Variants in NFYA observed in about 807,000 individuals in gnomAD.
NFYA encodes CAAT-box DNA binding protein subunit A.
NFYA carries 28 observed loss-of-function variants against 52.8 expected under a neutral mutation model. The ratio of observed to expected loss-of-function variants is 0.53; its 90% confidence interval spans 0.39 to 0.73. NFYA has a LOEUF of 0.73. Among genes scored for constraint, NFYA ranks in the 30% least tolerant of loss-of-function variants. The pLI is 0.00. For synonymous variants in NFYA, 150 were observed against 150.7 expected, an observed-to-expected ratio of 1.00 and a Z score of 0.03; for missense variants, 234 against 427.0, an observed-to-expected ratio of 0.55 and a Z score of 3.98.
At chr6:41,079,982 G>A (rs1482269779) in intron 2 of NFYA, among the ~76,000 whole-genome samples, 3 of 152,170 alleles carry the variant, frequency 2.0e-5, no homozygotes, top group Non-Finnish European at 2.9e-5. Context: ...GGCTCTGGCA[G>A]TTTCCTTCAA....
intron 5 of NFYA, 46 bp from the exon 6 acceptor site, chr6:41,090,158 G>GT (rs1202407150): frequency 8.0e-7 from 1 of 1,257,458 alleles, no homozygotes; most frequent in Non-Finnish European, 1.2e-6. Flanking sequence ...TTCTTTGTTA[G>GT]TATCTTTGGG....
intron 4 of NFYA, 123 bp from the exon 5 acceptor site, chr6:41,089,456 C>A: frequency 2.8e-6 from 3 of 1,084,950 alleles, no homozygotes; most frequent in African/African-American, 3.2e-5. Flanking sequence ...GAGGGCAGAG[C>A]AGGACTTCTT....
At chr6:41,094,369 G>A (rs1218316837) in intron 8 of NFYA, 27 bp from the exon 9 acceptor site, 1 of 1,598,792 alleles carries the variant, frequency 6.3e-7, no homozygotes, top group South Asian at 1.1e-5. Context: ...AGTATTAATA[G>A]TTAAATGGTT....
intron 4 of NFYA, among the ~76,000 whole-genome samples, chr6:41,087,321 T>A (rs1393135003): frequency 6.6e-6 from 1 of 152,230 alleles, no homozygotes; most frequent in Admixed American, 6.5e-5. Context: ...CATGAATGTC[T>A]CTAAGACATG....
At chr6:41,091,429 C>A in intron 6 of NFYA, 99 bp from the exon 7 acceptor site, 1 of 1,173,286 alleles carries the variant, frequency 8.5e-7, no homozygotes, top group Non-Finnish European at 1.2e-6. Flanking sequence ...TTGCCAGGAT[C>A]GGTGAGTGTA....
At chr6:41,083,089 A>C (rs1763953238) in intron 3 of NFYA, among the ~76,000 whole-genome samples, 1 of 152,232 alleles carries the variant, frequency 6.6e-6, no homozygotes, top group South Asian at 2.1e-4. Flanking sequence ...TTTCTGTCAA[A>C]GATAGAGTCT....
chr6:41,079,525 A>G (rs557476266), intron 2 of NFYA, among the ~76,000 whole-genome samples: 14 of 152,364 alleles, frequency 9.2e-5, no homozygotes, highest in Middle Eastern at 3.4e-3. Context: ...ACAAACCAAC[A>G]TAGCTTCCAA....
Position 41,080,793 on chromosome 6 carries a change from T to G in NFYA, c.76-18T>G. ...TCCTTCCTGACATATTTCAAGCTCT[T>G]CCTGTTCCTGTTCTCAGCAGCAGGG... On this transcript the variant is annotated intron_variant, in intron 2 of 9. Coordinates refer to ENST00000341376, the MANE Select transcript of NFYA (RefSeq NM_002505.5). The G allele has an allele frequency of 3.1e-6, 5 of 1,604,916 alleles. No homozygotes were observed. Among genetic ancestry groups the G allele is most frequent in the Non-Finnish European group, 4.3e-6 (5 of 1,171,900 alleles).
intron 1 of NFYA, among the ~76,000 whole-genome samples, chr6:41,076,420 C>T (rs950272020): frequency 5.9e-5 from 9 of 152,162 alleles, no homozygotes; most frequent in African/African-American, 1.9e-4. Context: ...AGCTACTGTT[C>T]TAGGCTTTGC....
At chr6:41,094,178 ACTAT>A (rs1561856631) in intron 8 of NFYA, among the ~76,000 whole-genome samples, 3 of 152,192 alleles carry the variant, frequency 2.0e-5, no homozygotes, top group Admixed American at 1.3e-4. Flanking sequence ...AAAAATTCAT[ACTAT>A]AAGCATTCAC....
chr6:41,088,368 A>C (rs1191042707), intron 4 of NFYA, among the ~76,000 whole-genome samples: 1 of 146,292 alleles, frequency 6.8e-6, no homozygotes, highest in Non-Finnish European at 1.5e-5. Context: ...GCTTGCAGTG[A>C]GCCAAGATCA....
At chr6:41,089,275 C>T (rs1277515479) in intron 4 of NFYA, among the ~76,000 whole-genome samples, 1 of 152,210 alleles carries the variant, frequency 6.6e-6, no homozygotes, top group African/African-American at 2.4e-5. Context: ...TGAGCCACCA[C>T]ACCCAGCCCA....
intron 1 of NFYA, chr6:41,075,563 T>TA (rs1239774140): frequency 6.6e-6 from 1 of 152,230 alleles, no homozygotes; most frequent in African/African-American, 2.4e-5. Flanking sequence ...TTTTTCCTGT[T>TA]TAGTCCACTG....
rs1764486412 is a variant in NFYA at position 41,101,027 on chromosome 6, G to A, written c.*3617G>A. The A allele has an allele frequency of 6.6e-6, 1 of 152,302 alleles. No homozygotes were observed. The highest frequency in any genetic ancestry group is 1.5e-5 in the Non-Finnish European group (1 of 68,078). The allele number at this position is 152,302 out of a possible 1,614,324, so 9.4% of individuals were successfully genotyped here. On this transcript the variant is annotated 3_prime_UTR_variant, in exon 10 of 10. Transcript: ENST00000341376. ...CGGTACCTAGGCGGGCAGCCATGGT[G>A]ACCGGCGAGCGGCATGCGACGCCGC...
At position 41,101,456 on chromosome 6, in the gene NFYA, C is replaced by T. The variant is rs987339491; in HGVS notation, c.*4046C>T. 6.6e-6 allele frequency among the ~76,000 whole-genome samples: 1 copy of T among 152,130 alleles called. No homozygotes were observed. The highest frequency in any genetic ancestry group is 6.5e-5 in the Admixed American group (1 of 15,282). On this transcript the variant is annotated 3_prime_UTR_variant, in exon 10 of 10. Transcript: ENST00000341376. ...AAAGGATTTTTACAGGACCACGCCC[C>T]GGGCTTTGAACCCGTTTTTCCCAAC...
At chr6:41,089,835 T>C in intron 5 of NFYA, 125 bp downstream of exon 5, 1 of 1,367,942 alleles carries the variant, frequency 7.3e-7, no homozygotes, top group Non-Finnish European at 9.8e-7. Flanking sequence ...AAAATATATT[T>C]TTGGCCGGGC....
In NFYA at chr6:41,099,904, C is replaced by T. The variant is rs771854212; in HGVS notation, c.*2494C>T. 2 of 151,896 alleles carry T rather than the reference C, an allele frequency of 1.3e-5. No individual in the cohort carries two copies. The highest frequency in any genetic ancestry group is 2.4e-5 in the African/African-American group (1 of 41,352). The allele number at this position is 151,896 out of a possible 1,614,324, so 9.4% of individuals were successfully genotyped here. Reference sequence around the variant, plus strand: ...GGTTTTTCCCCCAGCAGTATGGGGGCGTACAGGTGATCGATCATTAATGTC... The same window carrying T: ...GGTTTTTCCCCCAGCAGTATGGGGGTGTACAGGTGATCGATCATTAATGTC... On this transcript the variant is annotated 3_prime_UTR_variant, in exon 10 of 10. Coordinates refer to ENST00000341376, the MANE Select transcript of NFYA (RefSeq NM_002505.5).
Position 41,080,797 on chromosome 6 carries a change from GT to G in NFYA, c.76-12del. 1 of 1,609,818 alleles carries G rather than the reference GT, an allele frequency of 6.2e-7. No individual in the cohort carries two copies. Among genetic ancestry groups the G allele is most frequent in the Non-Finnish European group, 8.5e-7 (1 of 1,176,340 alleles). ...TCCTGACATATTTCAAGCTCTTCCT[GT>G]TCCTGTTCTCAGCAGCAGGGTGGTG... On this transcript the variant is annotated splice_polypyrimidine_tract_variant and intron_variant, in intron 2 of 9. Transcript: ENST00000341376.
chr6:41,089,857 T>G (rs1379288136), intron 5 of NFYA, 147 bp downstream of exon 5: 1 of 1,122,474 alleles, frequency 8.9e-7, no homozygotes, highest in East Asian at 2.7e-5. Flanking sequence ...CGGTGGCTCA[T>G]GCCTGTAATC....
Sources: gnomAD v4.1 joint callset for allele counts (sites outside exome capture counted in the v4.1 genomes callset) on GRCh38, gnomAD v4.1.1 for gene constraint, MANE v1.5 for transcripts, NCBI Gene and HGNC (gene_info 2026-07-23, HGNC 2026-07-21) for gene names.